The following LDLRAD4 variants were observed in gnomAD, a reference collection of about 807,000 sequenced individuals.
LDLRAD4 encodes low-density lipoprotein receptor class A domain-containing protein 4.
In LDLRAD4, 5 loss-of-function variants were observed where a neutral mutation model predicts 17.0. The observed-to-expected ratio is 0.29, with a 90% CI of 0.15 to 0.62. LDLRAD4 has a LOEUF of 0.62. Ranked by LOEUF, LDLRAD4 falls within the 20% of genes least tolerant of loss-of-function variation. The pLI, the probability that LDLRAD4 is intolerant of heterozygous loss-of-function variation, is 0.84. For synonymous variants in LDLRAD4, 168 were observed against 171.8 expected (o/e 0.98, Z 0.17); for missense variants, 340 against 424.7 (o/e 0.80, Z 1.75).
intron 1 of LDLRAD4, among the ~76,000 whole-genome samples, chr18:13,226,261 T>C (rs1317598769): frequency 1.4e-5 from 2 of 139,472 alleles, no homozygotes; most frequent in African/African-American, 5.2e-5. Context: ...GCTGAAGCAA[T>C]CTTCCCGCCT....
chr18:13,634,808 C>T (rs1358806932), intron 4 of LDLRAD4, among the ~76,000 whole-genome samples: 1 of 150,818 alleles, frequency 6.6e-6, no homozygotes, highest in Non-Finnish European at 1.5e-5. Flanking sequence ...AGTTAAAGGT[C>T]TCACAATTCC....
intron 3 of LDLRAD4, among the ~76,000 whole-genome samples, chr18:13,566,010 C>A (rs938452234): frequency 7.2e-5 from 11 of 152,226 alleles, no homozygotes; most frequent in Non-Finnish European, 1.3e-4. Context: ...CAAGCCTGGG[C>A]CATGAATTTT....
At chr18:13,619,653 C>T (rs1029533247) in intron 3 of LDLRAD4, among the ~76,000 whole-genome samples, 4 of 152,136 alleles carry the variant, frequency 2.6e-5, no homozygotes, top group African/African-American at 7.2e-5. Context: ...GGACAGGCCA[C>T]GGGGAACCCA....
At chr18:13,601,796 A>G (rs1215683917) in intron 3 of LDLRAD4, among the ~76,000 whole-genome samples, 6 of 152,244 alleles carry the variant, frequency 3.9e-5, no homozygotes, top group African/African-American at 1.4e-4. Flanking sequence ...TCCACCCAGC[A>G]ATCCCACTAC....
At chr18:13,569,260 G>A (rs890352703) in intron 3 of LDLRAD4, among the ~76,000 whole-genome samples, 1 of 149,462 alleles carries the variant, frequency 6.7e-6, no homozygotes, top group East Asian at 2.0e-4. Flanking sequence ...TCCCAGGGCC[G>A]CCCCATCCTG....
At chr18:13,456,716 G>T (rs1051765540) in intron 3 of LDLRAD4, among the ~76,000 whole-genome samples, 3 of 152,174 alleles carry the variant, frequency 2.0e-5, no homozygotes, top group Admixed American at 2.0e-4. Context: ...TTTTAAAAGG[G>T]TATTTTATAT....
intron 3 of LDLRAD4, among the ~76,000 whole-genome samples, chr18:13,456,013 A>G (rs952360427): frequency 3.9e-5 from 6 of 152,084 alleles, no homozygotes; most frequent in African/African-American, 1.4e-4. Flanking sequence ...CGCTGTCTGC[A>G]TTGTTAGGAA....
intron 3 of LDLRAD4, chr18:13,614,082 G>T (rs2039858907): frequency 1.3e-5 from 2 of 152,336 alleles, no homozygotes; most frequent in South Asian, 2.1e-4. Context: ...GTGTTTGGGA[G>T]AATACGTGTC....
intron 4 of LDLRAD4, chr18:13,641,831 G>A: frequency 1.0e-6 from 1 of 985,632 alleles, no homozygotes; most frequent in African/African-American, 1.7e-5. Context: ...TGGTTTTTCG[G>A]GAAATAAGGC....
intron 1 of LDLRAD4, among the ~76,000 whole-genome samples, chr18:13,283,331 C>T (rs1392258313): frequency 6.6e-6 from 1 of 152,226 alleles, no homozygotes; most frequent in African/African-American, 2.4e-5. Context: ...AACTTTTATG[C>T]TCTGCTTCCC....
chr18:13,305,657 C>T (rs948646077), intron 1 of LDLRAD4, among the ~76,000 whole-genome samples: 4 of 152,070 alleles, frequency 2.6e-5, no homozygotes, highest in Non-Finnish European at 4.4e-5. Context: ...TTGAATTGCT[C>T]GATTTGTGCT....
At chr18:13,537,295 A>T (rs1029524240) in intron 3 of LDLRAD4, among the ~76,000 whole-genome samples, 1 of 152,222 alleles carries the variant, frequency 6.6e-6, no homozygotes, top group Admixed American at 6.5e-5. Context: ...CACCTAGGGT[A>T]TATGGCAGCA....
At chr18:13,381,347 C>G (rs1455253311) in intron 1 of LDLRAD4, among the ~76,000 whole-genome samples, 2 of 152,166 alleles carry the variant, frequency 1.3e-5, no homozygotes, top group Non-Finnish European at 2.9e-5. Context: ...GGGTTACAGG[C>G]GTGAGGCACC....
intron 3 of LDLRAD4, among the ~76,000 whole-genome samples, chr18:13,476,268 A>C (rs2146862834): frequency 1.3e-5 from 2 of 152,336 alleles, no homozygotes; most frequent in South Asian, 4.1e-4. Context: ...TTAAAAATGA[A>C]GTCCTCAGTG....
At chr18:13,350,931 G>C (rs911797424) in intron 1 of LDLRAD4, among the ~76,000 whole-genome samples, 2 of 152,200 alleles carry the variant, frequency 1.3e-5, no homozygotes, top group African/African-American at 4.8e-5. Context: ...TTGAAGAGCA[G>C]ATAGTCGTAG....
At chr18:13,291,577 C>T (rs900541152) in intron 1 of LDLRAD4, among the ~76,000 whole-genome samples, 20 of 152,158 alleles carry the variant, frequency 1.3e-4, no homozygotes, top group African/African-American at 4.8e-4. Context: ...CACAGCTCTT[C>T]CTTCGCCCAC....
chr18:13,292,577 C>A (rs1040721628), intron 1 of LDLRAD4, among the ~76,000 whole-genome samples: 9 of 152,160 alleles, frequency 5.9e-5, no homozygotes, highest in Non-Finnish European at 1.3e-4. Context: ...CCAGTTCTGT[C>A]ATGGAAATGT....
At chr18:13,644,372 G>A (rs998838919) in intron 5 of LDLRAD4, among the ~76,000 whole-genome samples, 8 of 131,354 alleles carry the variant, frequency 6.1e-5, no homozygotes, top group African/African-American at 2.4e-4. Flanking sequence ...TTCAAGACAA[G>A]CCTATGCAAC....
intron 1 of LDLRAD4, among the ~76,000 whole-genome samples, chr18:13,280,439 CT>C (rs1276237783): frequency 2.0e-5 from 3 of 152,232 alleles, no homozygotes; most frequent in Non-Finnish European, 4.4e-5. Flanking sequence ...ATTTTCCACC[CT>C]AATGCTGGCT....
Sources: allele counts gnomAD v4.1 joint callset (sites outside exome capture counted in the v4.1 genomes callset), GRCh38; gene constraint gnomAD v4.1.1; transcripts MANE v1.5; gene names NCBI Gene and HGNC (gene_info 2026-07-23, HGNC 2026-07-21).